Variants in PRKCA observed in about 807,000 individuals in gnomAD.
PRKCA encodes protein kinase C alpha type.
A neutral mutation model predicts 87.0 loss-of-function variants in PRKCA; 27 were observed. The observed-to-expected ratio is 0.31, with a 90% CI of 0.23 to 0.43. The LOEUF is 0.43. Ranked by LOEUF, PRKCA falls within the 20% of genes least tolerant of loss-of-function variation. PRKCA has a pLI of 1.00. For synonymous variants in PRKCA, 329 were observed against 311.1 expected, an observed-to-expected ratio of 1.06 and a Z score of -0.61; for missense variants, 518 against 852.3, an observed-to-expected ratio of 0.61 and a Z score of 4.88.
intron 2 of PRKCA, among the ~76,000 whole-genome samples, chr17:66,396,574 CT>C: frequency 6.8e-6 from 1 of 148,066 alleles, no homozygotes; most frequent in Non-Finnish European, 1.5e-5. Context: ...AAGAATTTAG[CT>C]TTTAAATGGC....
intron 3 of PRKCA, among the ~76,000 whole-genome samples, chr17:66,565,177 G>A (rs1364119338): frequency 6.6e-6 from 1 of 152,122 alleles, no homozygotes; most frequent in African/African-American, 2.4e-5. Flanking sequence ...TCCTCTCATA[G>A]AGTGCTGCTT....
intron 3 of PRKCA, among the ~76,000 whole-genome samples, chr17:66,556,877 C>T (rs1055147564): frequency 5.6e-4 from 85 of 152,168 alleles, no homozygotes; most frequent in African/African-American, 1.9e-3. Flanking sequence ...TCGGGTATGT[C>T]CTTATAACAG....
chr17:66,560,869 G>A (rs531242715), intron 3 of PRKCA, among the ~76,000 whole-genome samples: 1 of 152,288 alleles, frequency 6.6e-6, no homozygotes, highest in South Asian at 2.1e-4. Context: ...GAGTTGGAGG[G>A]CCTGTCCACC....
intron 13 of PRKCA, among the ~76,000 whole-genome samples, chr17:66,771,027 A>G (rs1338886143): frequency 6.8e-6 from 1 of 147,344 alleles, no homozygotes; most frequent in Non-Finnish European, 1.5e-5. Context: ...TTTTTGAGAC[A>G]GCATCTCACT....
At chr17:66,360,837 GGC>G in intron 2 of PRKCA, among the ~76,000 whole-genome samples, 1 of 152,298 alleles carries the variant, frequency 6.6e-6, no homozygotes, top group South Asian at 2.1e-4. Context: ...GTTCCAAAGT[GGC>G]GCTTAGAGGA....
intron 2 of PRKCA, among the ~76,000 whole-genome samples, chr17:66,445,701 G>A (rs149571249): frequency 1.2e-4 from 18 of 152,336 alleles, no homozygotes; most frequent in East Asian, 1.2e-3. Context: ...GTCTGTTCCC[G>A]TGATTTTGAC....
chr17:66,380,965 G>A lies in PRKCA; in HGVS notation c.205+74838G>A, dbSNP rs1244120482. Among the ~76,000 whole-genome samples, 7 of 150,104 alleles carry A rather than the reference G, an allele frequency of 4.7e-5. No individual in the cohort carries two copies. In the South Asian group the frequency reaches 1.5e-3, roughly 31 times the overall value. On this transcript the variant is annotated intron_variant, in intron 2 of 16. Transcript: ENST00000413366. Reference sequence around the variant, plus strand: ...TTTCTTTTTTTTTTTTTGGAGACAGGGTCTCTTTCTGTCACTCACGCTAGA... The same window carrying A: ...TTTCTTTTTTTTTTTTTGGAGACAGAGTCTCTTTCTGTCACTCACGCTAGA...
intron 11 of PRKCA, 113 bp from the exon 12 acceptor site, chr17:66,741,546 G>T: frequency 8.8e-7 from 1 of 1,133,204 alleles, no homozygotes. Context: ...TGGTCTCTGA[G>T]AGCCTCTGGG....
chr17:66,393,641 C>T (rs990848789), intron 2 of PRKCA, among the ~76,000 whole-genome samples: 3 of 148,096 alleles, frequency 2.0e-5, no homozygotes, highest in Non-Finnish European at 3.0e-5. Flanking sequence ...TGTGTGTGCA[C>T]GTGTGTGTGT....
rs539628714 is a variant in PRKCA, at chr17:66,615,729, G to A, written c.289-25626G>A. Among the ~76,000 whole-genome samples, 4 of 152,278 alleles carry A rather than the reference G, an allele frequency of 2.6e-5. No homozygotes were observed. The East Asian group carries it at 7.7e-4, about 29-fold the overall frequency. On this transcript the variant is annotated intron_variant, in intron 3 of 16. Transcript: ENST00000413366. ...TGAAACCAGCACATCCCTGTGCAGT[G>A]AAAAGGGCATTCCGTCGGCAGTCAC...
intron 16 of PRKCA, among the ~76,000 whole-genome samples, chr17:66,795,913 A>G (rs1975654350): frequency 6.6e-6 from 1 of 152,186 alleles, no homozygotes. Flanking sequence ...CCCCTCATTT[A>G]ATGTGTGGCT....
chr17:66,593,695 C>T (rs201959808), intron 3 of PRKCA, among the ~76,000 whole-genome samples: 57 of 152,322 alleles, frequency 3.7e-4, no homozygotes, highest in East Asian at 3.1e-3. Context: ...AAGGAAACCC[C>T]TGCTTCTAGA....
At chr17:66,395,878 ATCT>A (rs978806474) in intron 2 of PRKCA, among the ~76,000 whole-genome samples, 4 of 152,050 alleles carry the variant, frequency 2.6e-5, no homozygotes, top group African/African-American at 9.7e-5. Context: ...TTTGTCAGAG[ATCT>A]TCTTTCCTGT....
At chr17:66,752,690 A>G (rs9902819) in intron 13 of PRKCA, among the ~76,000 whole-genome samples, 13,631 of 152,228 alleles carry the variant, frequency 0.09, 747 homozygotes, top group African/African-American at 0.14. Flanking sequence ...CATCCCTACC[A>G]TGGCTCTGCT....
In PRKCA at chr17:66,803,633, G is replaced by A. The variant is rs547824459; in HGVS notation, c.1855-240G>A. 2.0e-4 allele frequency among the ~76,000 whole-genome samples: 30 copies of A among 147,342 alleles called. No homozygotes were observed. Among genetic ancestry groups the A allele is most frequent in the Non-Finnish European group, 3.6e-4 (24 of 66,478 alleles). The stretch of plus-strand genomic sequence containing the variant: ...CCTTGTTGCTGCCTCATTGCCAGCC[G>A]TGCAATTCCCACCCAGGGCTTCTGT... On this transcript the variant is annotated intron_variant, in intron 16 of 16. Transcript: ENST00000413366. This position sits in a 1 kb window ranked among gnomAD's most constrained non-coding sequence, Gnocchi z 4.4.
chr17:66,792,081 G>A lies in PRKCA; in HGVS notation c.1854+3102G>A, dbSNP rs542180861. Reference sequence around the variant, plus strand: ...GTGAGCCCATTTCTGAGTGGCTCTCGCCTCTCAGCAGTTCTTATAATCCTG... The same window carrying A: ...GTGAGCCCATTTCTGAGTGGCTCTCACCTCTCAGCAGTTCTTATAATCCTG... On this transcript the variant is annotated intron_variant, in intron 16 of 16. Transcript: ENST00000413366. This position sits in a 1 kb window ranked among gnomAD's most constrained non-coding sequence, Gnocchi z 4.5. Among the ~76,000 whole-genome samples, 9 of 152,238 alleles carry A rather than the reference G, an allele frequency of 5.9e-5. No homozygotes were observed. Among genetic ancestry groups the A allele is most frequent in the South Asian group, 2.1e-4 (1 of 4,812 alleles).
chr17:66,349,844 A>G (rs1445850723), intron 2 of PRKCA, among the ~76,000 whole-genome samples: 4 of 152,146 alleles, frequency 2.6e-5, no homozygotes. Context: ...GCCTTCGTTA[A>G]TGTCTTCTGT....
intron 3 of PRKCA, among the ~76,000 whole-genome samples, chr17:66,523,169 A>C (rs914682704): frequency 3.9e-5 from 6 of 152,288 alleles, no homozygotes; most frequent in African/African-American, 9.6e-5. Flanking sequence ...GCAGAAGAAG[A>C]AGCAAGATGA....
chr17:66,648,810 C>CA (rs1179914221), intron 5 of PRKCA, among the ~76,000 whole-genome samples: 20 of 152,172 alleles, frequency 1.3e-4, no homozygotes, highest in Admixed American at 4.6e-4. Context: ...TAAGTGCTTA[C>CA]AGCCAGGTGC....
Sources: gnomAD v4.1 joint callset for allele counts (sites outside exome capture counted in the v4.1 genomes callset) on GRCh38, gnomAD v4.1.1 for gene constraint, Gnocchi (gnomAD v3.1) non-coding constraint, MANE v1.5 for transcripts, NCBI Gene and HGNC (gene_info 2026-07-23, HGNC 2026-07-21) for gene names.